RAB22A: variants seen among roughly 807,000 people sequenced by gnomAD.
The protein encoded by RAB22A is RAB22A, member RAS oncogene family.
In RAB22A, 13 loss-of-function variants were observed where a neutral mutation model predicts 30.2. The observed-to-expected ratio is 0.43, with a 90% CI of 0.28 to 0.68. The LOEUF (loss-of-function observed/expected upper bound fraction) is 0.68, where lower values mean the gene tolerates loss of function less well. Ranked by LOEUF, RAB22A falls within the 30% of genes least tolerant of loss-of-function variation. RAB22A has a pLI of 0.18. For missense variants in RAB22A, 177 were observed against 246.8 expected (o/e 0.72, Z 1.89); for synonymous variants, 89 against 87.2 (o/e 1.02, Z -0.11).
At chr20:58,330,972 CCT>C (rs1358572155) in intron 2 of RAB22A, among the ~76,000 whole-genome samples, 1 of 152,148 alleles carries the variant, frequency 6.6e-6, no homozygotes, top group African/African-American at 2.4e-5. Flanking sequence ...TAGAACATCC[CCT>C]CTCTATTTCC....
chr20:58,320,440 C>A lies in RAB22A; in HGVS notation c.116+9318C>A, dbSNP rs570460068. On this transcript the variant is annotated intron_variant, in intron 2 of 6. Coordinates refer to ENST00000244040, the MANE Select transcript of RAB22A (RefSeq NM_020673.3). ...TAATGTTTTGGGATCTGTAGCAATA[C>A]CCCCCTTCCATTTTTGATAGTGCTG... Among the ~76,000 whole-genome samples the A allele has an allele frequency of 7.9e-5, 12 of 152,082 alleles. No individual in the cohort carries two copies. The East Asian group carries it at 2.1e-3, about 27-fold the overall frequency.
chr20:58,331,509 C>A, intron 2 of RAB22A, among the ~76,000 whole-genome samples: 1 of 152,132 alleles, frequency 6.6e-6, no homozygotes, highest in Non-Finnish European at 1.5e-5. Context: ...GTCTATTTAA[C>A]CAATCTCTTA....
At position 58,309,757 on chromosome 20, in the gene RAB22A, C is replaced by A. The variant is rs998091911; in HGVS notation, c.-220C>A. On this transcript the variant is annotated 5_prime_UTR_variant, in exon 1 of 7. Coordinates refer to ENST00000244040, the MANE Select transcript of RAB22A (RefSeq NM_020673.3). The stretch of plus-strand genomic sequence containing the variant: ...TCCCAAGATGGCGGCGGCGGCGGCT[C>A]CCGGAAGGCCGCGGCGGCGTCCCGG... 92 of 293,794 alleles carry A rather than the reference C, an allele frequency of 3.1e-4. No individual in the cohort carries two copies. The highest frequency in any genetic ancestry group is 3.8e-4 in the Non-Finnish European group (62 of 164,304). The allele number at this position is 293,794 out of a possible 1,614,324, so 18.2% of individuals were successfully genotyped here. A position where few individuals can be genotyped will look rare whatever the true frequency, so the allele number is the denominator to read the frequency against.
At chr20:58,354,087 C>T in intron 5 of RAB22A, 69 bp from the exon 6 acceptor site, 1 of 1,095,324 alleles carries the variant, frequency 9.1e-7, no homozygotes, top group Non-Finnish European at 1.4e-6. Context: ...TGGTTAACTA[C>T]TGGGTAGGTG....
intron 6 of RAB22A, among the ~76,000 whole-genome samples, chr20:58,357,572 T>C (rs1987152734): frequency 6.6e-6 from 1 of 152,226 alleles, no homozygotes; most frequent in Admixed American, 6.5e-5. Flanking sequence ...TCCTCTTATT[T>C]CTTTTAAAAA....
At chr20:58,320,887 C>T (rs139017086) in intron 2 of RAB22A, among the ~76,000 whole-genome samples, 4,687 of 152,006 alleles carry the variant, frequency 0.031, 246 homozygotes, top group African/African-American at 0.11. Context: ...GAAACCCTGT[C>T]TCTGCTAAAA....
rs140896937 is a variant in RAB22A at position 58,362,083 on chromosome 20, T to A, written c.*2380T>A. ...ATGAGTGATATGAAGCTTGTACTTA[T>A]GCATTTCTCGGGCCTCTTCCCTCAT... On this transcript the variant is annotated 3_prime_UTR_variant, in exon 7 of 7. Coordinates refer to ENST00000244040, the MANE Select transcript of RAB22A (RefSeq NM_020673.3). The A allele has an allele frequency of 5.9e-5, 9 of 152,210 alleles. No individual in the cohort carries two copies. The allele number at this position is 152,210 out of a possible 1,614,324, so 9.4% of individuals were successfully genotyped here.
chr20:58,317,973 A>G (rs549964364), intron 2 of RAB22A, among the ~76,000 whole-genome samples: 74 of 152,328 alleles, frequency 4.9e-4, no homozygotes, highest in Non-Finnish European at 7.9e-4. Flanking sequence ...TTCTTGGCTC[A>G]GCCTCCTGAG....
chr20:58,346,718 T>G (rs765464845), intron 3 of RAB22A, among the ~76,000 whole-genome samples: 17 of 152,246 alleles, frequency 1.1e-4, no homozygotes, highest in Non-Finnish European at 1.6e-4. Context: ...GGGACCACAG[T>G]GTCTTGTTCA....
At chr20:58,324,914 A>G (rs6100024) in intron 2 of RAB22A, among the ~76,000 whole-genome samples, 7,532 of 112,128 alleles carry the variant, frequency 0.067, 798 homozygotes, top group African/African-American at 0.16. Context: ...GGTGGCTCAC[A>G]CCTGTAATCC....
chr20:58,348,674 T>C (rs1986991813), intron 3 of RAB22A, among the ~76,000 whole-genome samples: 1 of 152,228 alleles, frequency 6.6e-6, no homozygotes, highest in Non-Finnish European at 1.5e-5. Context: ...AACATAGCCA[T>C]GCTTGTTTGT....
intron 2 of RAB22A, among the ~76,000 whole-genome samples, chr20:58,322,992 A>G (rs117653274): frequency 0.016 from 2,391 of 152,220 alleles, 26 homozygotes; most frequent in Non-Finnish European, 0.02. Flanking sequence ...TTTTTCACTC[A>G]CACCAACACG....
At chr20:58,329,748 C>T (rs952166699) in intron 2 of RAB22A, among the ~76,000 whole-genome samples, 4 of 152,186 alleles carry the variant, frequency 2.6e-5, no homozygotes, top group Non-Finnish European at 5.9e-5. Context: ...AGATATTATA[C>T]CACAGGCCAT....
In RAB22A at chr20:58,364,755, T is replaced by A. The variant is rs1176059547; in HGVS notation, c.*5052T>A. The A allele has an allele frequency of 6.6e-6, 1 of 151,618 alleles. No individual in the cohort carries two copies. Among genetic ancestry groups the A allele is most frequent in the Non-Finnish European group, 1.5e-5 (1 of 67,916 alleles). The allele number at this position is 151,618 out of a possible 1,614,324, so 9.4% of individuals were successfully genotyped here. A position where few individuals can be genotyped will look rare whatever the true frequency, so the allele number is the denominator to read the frequency against. On this transcript the variant is annotated 3_prime_UTR_variant, in exon 7 of 7. Transcript: ENST00000244040. The stretch of plus-strand genomic sequence containing the variant: ...TTCTTTTTTTTTTTTTTTCTTTTTT[T>A]AGATGGAGTCTCACTCTGTCGCCCA...
At chr20:58,339,892 C>T (rs979442658) in intron 2 of RAB22A, among the ~76,000 whole-genome samples, 3 of 152,146 alleles carry the variant, frequency 2.0e-5, no homozygotes, top group Non-Finnish European at 4.4e-5. Flanking sequence ...GAGTCCTGCT[C>T]CTGCAGGACT....
intron 5 of RAB22A, 30 bp downstream of exon 5, chr20:58,353,568 C>A (rs1370745936): frequency 1.4e-6 from 2 of 1,467,416 alleles, no homozygotes; most frequent in African/African-American, 2.8e-5. Context: ...GATTACAATA[C>A]CTATTATGTG....
rs1248806086 is a variant in RAB22A, at chr20:58,363,373, C to G, written c.*3670C>G. On this transcript the variant is annotated 3_prime_UTR_variant, in exon 7 of 7. Coordinates refer to ENST00000244040, the MANE Select transcript of RAB22A (RefSeq NM_020673.3). ...ATGTTACTTAAGTAACGGATGAGCC[C>G]CCCTAAACATCCACGTGTCTCTGCA... The G allele has an allele frequency of 6.6e-6, 1 of 152,080 alleles. No homozygotes were observed. The highest frequency in any genetic ancestry group is 2.4e-5 in the African/African-American group (1 of 41,412). The allele number at this position is 152,080 out of a possible 1,614,324, so 9.4% of individuals were successfully genotyped here. A position where few individuals can be genotyped will look rare whatever the true frequency, so the allele number is the denominator to read the frequency against.
chr20:58,323,969 A>G (rs1986508801), intron 2 of RAB22A, among the ~76,000 whole-genome samples: 1 of 152,116 alleles, frequency 6.6e-6, no homozygotes, highest in South Asian at 2.1e-4. Context: ...TTAAATACAT[A>G]TCACTGGCTT....
At chr20:58,342,087 C>T (rs1986864360) in intron 2 of RAB22A, among the ~76,000 whole-genome samples, 1 of 152,202 alleles carries the variant, frequency 6.6e-6, no homozygotes. Context: ...CTTCCACATA[C>T]ATCATCTCAT....
Sources: gnomAD v4.1 joint callset for allele counts (sites outside exome capture counted in the v4.1 genomes callset) on GRCh38, gnomAD v4.1.1 for gene constraint, MANE v1.5 for transcripts, NCBI Gene and HGNC (gene_info 2026-07-23, HGNC 2026-07-21) for gene names.